Variants in SYNE1 observed in about 807,000 individuals in gnomAD.
SYNE1 encodes spectrin repeat containing nuclear envelope protein 1.
SYNE1 carries 616 observed loss-of-function variants against 1,111.0 expected under a neutral mutation model. That is an observed-to-expected ratio of 0.55 (90% CI 0.52 to 0.59). The LOEUF (loss-of-function observed/expected upper bound fraction) is 0.59, where lower values mean the gene tolerates loss of function less well. Ranked by LOEUF, SYNE1 falls within the 20% of genes least tolerant of loss-of-function variation. The pLI is 0.00. For synonymous variants in SYNE1, 3,855 were observed against 3,825.8 expected, an observed-to-expected ratio of 1.01 and a Z score of -0.28; for missense variants, 10,006 against 10,417.0, an observed-to-expected ratio of 0.96 and a Z score of 1.72.
In SYNE1 at chr6:152,232,220, T is replaced by C. The variant is rs1232810843; in HGVS notation, c.20758A>G (p.Met6920Val). The change falls in exon 113 of 146, where the codon ATG becomes GTG. Residue 6920 changes from methionine to valine, a missense_variant. Met to Val is a conservative substitution (Grantham distance 21, BLOSUM62 1). This residue lies in a region of SYNE1 where 2,182 missense variants were observed against 2,287.8 expected (regional missense o/e 0.95). Transcript: ENST00000367255. ...LPSRHAISEV[M>V]SWISLMENVI... ...TTTTCCATTAGAGAAATCCAACTCATGACTTCAGAAATGGCATGGCGGGAA... is the reference window on the plus strand; with the variant it reads ...TTTTCCATTAGAGAAATCCAACTCACGACTTCAGAAATGGCATGGCGGGAA... The C allele has an allele frequency of 1.9e-6, 3 of 1,614,050 alleles. No homozygotes were observed. In the South Asian group the frequency reaches 3.3e-5, roughly 18 times the overall value.
At chr6:152,221,834 G>A (rs778310620) in intron 117 of SYNE1, among the ~76,000 whole-genome samples, 1 of 152,156 alleles carries the variant, frequency 6.6e-6, no homozygotes, top group Non-Finnish European at 1.5e-5. Context: ...GGGTGCCCTT[G>A]TCCATTGTCT....
At chr6:152,145,927 A>G (rs2059401427) in intron 137 of SYNE1, 2 of 309,504 alleles carry the variant, frequency 6.5e-6, no homozygotes, top group Non-Finnish European at 1.3e-5. Context: ...TGGGAGTCTG[A>G]GGCAGGAGGA....
At chr6:152,461,417 T>A (rs2098733463) in intron 21 of SYNE1, among the ~76,000 whole-genome samples, 180 bp downstream of exon 21, 1 of 152,184 alleles carries the variant, frequency 6.6e-6, no homozygotes, top group South Asian at 2.1e-4. Context: ...ATACTTGGTA[T>A]CAGCATCATA....
intron 3 of SYNE1, among the ~76,000 whole-genome samples, chr6:152,591,157 G>A (rs2099561422): frequency 1.3e-5 from 2 of 152,154 alleles, no homozygotes; most frequent in Non-Finnish European, 2.9e-5. Flanking sequence ...TATTGTGAGT[G>A]GGATTGTGTT....
chr6:152,465,241 G>T lies in SYNE1; in HGVS notation c.1932+17C>A, dbSNP rs1016990464. ...CATACATCAAACGTCTTTTCTTTTT[G>T]CATGAACCAATCTTACCTTTTTGGC... On this transcript the variant is annotated intron_variant, in intron 18 of 145. Coordinates refer to ENST00000367255, the MANE Select transcript of SYNE1 (RefSeq NM_182961.4). The T allele has an allele frequency of 3.1e-6, 5 of 1,612,524 alleles. No individual in the cohort carries two copies. In the Admixed American group the frequency reaches 6.7e-5, roughly 22 times the overall value.
chr6:152,558,235 CA>C (rs577093885), intron 3 of SYNE1, among the ~76,000 whole-genome samples: 94 of 151,792 alleles, frequency 6.2e-4, no homozygotes, highest in African/African-American at 2.1e-3. Context: ...CATACCACCA[CA>C]AAAAAAATCA....
intron 132 of SYNE1, 119 bp from the exon 133 acceptor site, chr6:152,155,161 G>A (rs117243178): frequency 7.0e-5 from 89 of 1,264,592 alleles, no homozygotes; most frequent in Non-Finnish European, 9.2e-5. Flanking sequence ...TGTGCCAAAC[G>A]ATAACCATTC....
Position 152,414,049 on chromosome 6 carries a change from G to C in SYNE1, c.6051-518C>G, listed in dbSNP as rs546073213. Among the ~76,000 whole-genome samples, 214 of 150,052 alleles carry C rather than the reference G, an allele frequency of 1.4e-3. 2 individuals are homozygous for C. Among genetic ancestry groups the C allele is most frequent in the Middle Eastern group, 6.8e-3 (2 of 292 alleles). ...CTTAAATTACCTACTTTGTTGAAAA[G>C]ATTACCATAAGGAAATGATCATTTT... On this transcript the variant is annotated intron_variant, in intron 41 of 145. Coordinates refer to ENST00000367255, the MANE Select transcript of SYNE1 (RefSeq NM_182961.4).
At chr6:152,582,047 C>G (rs572557258) in intron 3 of SYNE1, among the ~76,000 whole-genome samples, 2 of 152,194 alleles carry the variant, frequency 1.3e-5, no homozygotes, top group Admixed American at 6.5e-5. Flanking sequence ...AGTCATGTCA[C>G]CAATAACCCA....
At chr6:152,504,444 A>G (rs1465712884) in intron 9 of SYNE1, among the ~76,000 whole-genome samples, 1 of 152,164 alleles carries the variant, frequency 6.6e-6, no homozygotes, top group African/African-American at 2.4e-5. Flanking sequence ...TCCCATGAAA[A>G]CAGAGAGTAG....
At position 152,148,408 on chromosome 6, in the gene SYNE1, C is replaced by T; in HGVS notation, c.24643-30G>A. On this transcript the variant is annotated intron_variant, in intron 136 of 145. Transcript: ENST00000367255. The surrounding 1 kb of genome is among the most constrained non-coding windows in gnomAD (Gnocchi z 4.1). The stretch of plus-strand genomic sequence containing the variant: ...AAGGGAAGTCAAGGCAACCCTGTCA[C>T]TGTAGTGGTCAGACTAGCTTCTTAT... 3 of 1,604,250 alleles carry T rather than the reference C, an allele frequency of 1.9e-6. No individual in the cohort carries two copies. The highest frequency in any genetic ancestry group is 2.6e-6 in the Non-Finnish European group (3 of 1,175,446).
chr6:152,411,566 A>C (rs1031306141), intron 42 of SYNE1, among the ~76,000 whole-genome samples: 2 of 152,232 alleles, frequency 1.3e-5, no homozygotes, highest in Non-Finnish European at 2.9e-5. Context: ...TGAATATTTA[A>C]AAAGACATAC....
chr6:152,239,088 G>A (rs924838057), intron 108 of SYNE1, among the ~76,000 whole-genome samples: 4 of 151,708 alleles, frequency 2.6e-5, no homozygotes, highest in South Asian at 2.1e-4. Flanking sequence ...TAGTAGAGAC[G>A]GGGTTTCAAC....
intron 16 of SYNE1, among the ~76,000 whole-genome samples, chr6:152,469,309 C>T (rs1448899479): frequency 2.0e-5 from 3 of 152,028 alleles, no homozygotes; most frequent in African/African-American, 7.2e-5. Context: ...AAAATTCCTA[C>T]CATTTCATTA....
In SYNE1 at chr6:152,367,287, G is replaced by A. The variant is rs767709050; in HGVS notation, c.9903C>T (p.His3301=). Residue 3301 remains histidine (H), a synonymous_variant, in exon 62 of 146, where the codon CAC becomes CAT. Transcript: ENST00000367255. The part of the protein sequence containing the change: ...ELQDWMTDAI[H]MLDSYCHPTS... ...TCGGGTGGCAGTATGAATCCAGCAT[G>A]TGAATCGCATCCGTCATCCAGTCTT... 1.2e-6 allele frequency: 2 copies of A among 1,614,232 alleles called. No homozygotes were observed. The highest frequency in any genetic ancestry group is 1.7e-6 in the Non-Finnish European group (2 of 1,180,044).
intron 117 of SYNE1, among the ~76,000 whole-genome samples, chr6:152,223,914 C>G (rs2080847640): frequency 6.6e-6 from 1 of 152,046 alleles, no homozygotes; most frequent in Non-Finnish European, 1.5e-5. Flanking sequence ...GGGCGGTGAC[C>G]TGAGACAGGA....
At chr6:152,363,645 C>T in intron 63 of SYNE1, 1 of 425,412 alleles carries the variant, frequency 2.4e-6, no homozygotes, top group East Asian at 8.0e-5. Context: ...ATCCACACCC[C>T]CGGATCACAC....
At chr6:152,508,327 C>T (rs76467266) in intron 8 of SYNE1, among the ~76,000 whole-genome samples, 1 of 152,114 alleles carries the variant, frequency 6.6e-6, no homozygotes, top group African/African-American at 2.4e-5. Flanking sequence ...AACCCTCAGG[C>T]CCAGGATTCT....
chr6:152,458,969 T>C (rs1157259019), intron 21 of SYNE1, 39 bp from the exon 22 acceptor site: 1 of 1,591,858 alleles, frequency 6.3e-7, no homozygotes, highest in African/African-American at 1.3e-5. Context: ...TGAAAGACCA[T>C]TAAGTGCCAC....
Sources: allele counts gnomAD v4.1 joint callset (sites outside exome capture counted in the v4.1 genomes callset), GRCh38; gene constraint gnomAD v4.1.1; regional missense constraint gnomAD v4.1.1; non-coding constraint Gnocchi (gnomAD v3.1); transcripts MANE v1.5; gene names NCBI Gene and HGNC (gene_info 2026-07-23, HGNC 2026-07-21).